Variants in ZMYM2 observed in about 807,000 individuals in gnomAD.
The protein encoded by ZMYM2 is zinc finger MYM-type containing 2, also known as zinc finger MYM-type protein 2.
Under a neutral mutation model 162.8 loss-of-function variants are expected in ZMYM2, and 56 were observed. The observed-to-expected ratio is 0.34, with a 90% CI of 0.28 to 0.43. ZMYM2 has a LOEUF of 0.43. ZMYM2 is among the 20% of genes least tolerant of loss of function. The probability of loss-of-function intolerance (pLI) is 1.00; values close to 1 mark genes in which losing one functional copy is unlikely to be tolerated. For synonymous variants in ZMYM2, 510 were observed against 541.6 expected, an observed-to-expected ratio of 0.94 and a Z score of 0.81; for missense variants, 1,275 against 1,621.8, an observed-to-expected ratio of 0.79 and a Z score of 3.67.
intron 6 of ZMYM2, among the ~76,000 whole-genome samples, chr13:20,007,638 T>TA (rs386363400): frequency 6.6e-6 from 1 of 150,678 alleles, no homozygotes; most frequent in Non-Finnish European, 1.5e-5. Context: ...TTTTTTTTTT[T>TA]AAAGACAAGT....
chr13:19,955,002 G>C (rs755636129), upstream of ZMYM2, among the ~76,000 whole-genome samples: 3 of 151,860 alleles, frequency 2.0e-5, no homozygotes, highest in Non-Finnish European at 2.9e-5. Context: ...GGTAGAGATG[G>C]GGTTTTACCA....
At chr13:20,067,422 A>G in intron 21 of ZMYM2, 32 bp downstream of exon 21, 1 of 1,550,934 alleles carries the variant, frequency 6.4e-7, no homozygotes, top group Non-Finnish European at 8.8e-7. Context: ...TTCAAGTATA[A>G]CATTAATAAG....
the ZMYM2 span, among the ~76,000 whole-genome samples, chr13:19,867,433 CA>C: frequency 6.6e-6 from 1 of 151,042 alleles, no homozygotes; most frequent in South Asian, 2.1e-4. Context: ...AAACATAGAT[CA>C]AAAACAACTG....
At position 20,065,447 on chromosome 13, in the gene ZMYM2, A is replaced by T. The variant is rs144832347; in HGVS notation, c.3132+902A>T. Among the ~76,000 whole-genome samples the T allele has an allele frequency of 2.1e-3, 320 of 152,286 alleles. 2 individuals are homozygous for T. The highest frequency in any genetic ancestry group is 7.2e-3 in the African/African-American group (301 of 41,560). On this transcript the variant is annotated intron_variant, in intron 19 of 24. Transcript: ENST00000610343. ...CAGGGAAGAAAAGGAAAAATAAATA[A>T]ATAAACTGGACTACATCAAAATTAA...
At chr13:19,908,925 A>G in the ZMYM2 span, among the ~76,000 whole-genome samples, 4 of 152,170 alleles carry the variant, frequency 2.6e-5, no homozygotes, top group Non-Finnish European at 5.9e-5. Context: ...AGGATCCCCA[A>G]TGGAAGGGGA....
At chr13:20,026,135 G>C (rs1387486808) in intron 7 of ZMYM2, 1 of 152,150 alleles carries the variant, frequency 6.6e-6, no homozygotes, top group Non-Finnish European at 1.5e-5. Flanking sequence ...TCATTTTTAA[G>C]AGAAGTTCCA....
intron 22 of ZMYM2, 118 bp from the exon 23 acceptor site, chr13:20,082,663 T>C: frequency 1.2e-6 from 1 of 867,014 alleles, no homozygotes; most frequent in Non-Finnish European, 1.7e-6. Context: ...CTAGTTGATC[T>C]AATATGAAAG....
intron 19 of ZMYM2, among the ~76,000 whole-genome samples, chr13:20,066,319 C>T (rs1956672182): frequency 6.6e-6 from 1 of 152,122 alleles, no homozygotes; most frequent in African/African-American, 2.4e-5. Flanking sequence ...ACTTTTGACT[C>T]CCTAAAAAGT....
intron 12 of ZMYM2, among the ~76,000 whole-genome samples, chr13:20,048,388 G>T (rs1426107230): frequency 6.6e-6 from 1 of 151,712 alleles, no homozygotes; most frequent in Non-Finnish European, 1.5e-5. Context: ...GAATTCCTAT[G>T]CTTTGCATAG....
the ZMYM2 span, among the ~76,000 whole-genome samples, chr13:19,946,261 C>T: frequency 2.0e-5 from 3 of 152,212 alleles, no homozygotes; most frequent in Non-Finnish European, 2.9e-5. Flanking sequence ...CTATTTATGG[C>T]TTTTCCATGC....
intron 3 of ZMYM2, 95 bp from the exon 4 acceptor site, chr13:20,002,755 A>G (rs943953868): frequency 2.7e-6 from 4 of 1,456,130 alleles, no homozygotes; most frequent in East Asian, 2.3e-5. Flanking sequence ...TTAAAATTGT[A>G]CAAAATGGGA....
At chr13:19,869,311 C>CT in the ZMYM2 span, among the ~76,000 whole-genome samples, 1 of 151,804 alleles carries the variant, frequency 6.6e-6, no homozygotes, top group South Asian at 2.1e-4. Flanking sequence ...TTATTGATTT[C>CT]TTTTTTTAAC....
chr13:19,959,426 G>C (rs563336567), intron 1 of ZMYM2, among the ~76,000 whole-genome samples: 1 of 152,242 alleles, frequency 6.6e-6, no homozygotes, highest in African/African-American at 2.4e-5. Context: ...CGCGGCTCTT[G>C]CTCCGCACGT....
the ZMYM2 span, among the ~76,000 whole-genome samples, chr13:19,906,105 G>A: frequency 6.6e-6 from 1 of 151,134 alleles, no homozygotes; most frequent in Non-Finnish European, 1.5e-5. Flanking sequence ...GTGAAACCCT[G>A]TCTCTACTAA....
chr13:20,022,299 C>T (rs144779655), intron 7 of ZMYM2, among the ~76,000 whole-genome samples: 4 of 152,250 alleles, frequency 2.6e-5, no homozygotes, highest in South Asian at 2.1e-4. Flanking sequence ...TCCCTCAATT[C>T]GTGTTTGTTT....
intron 16 of ZMYM2, 135 bp downstream of exon 16, chr13:20,059,697 C>A: frequency 1.6e-6 from 1 of 637,868 alleles, no homozygotes; most frequent in Non-Finnish European, 2.8e-6. Flanking sequence ...TTTTTTTTCC[C>A]CAATAAATAT....
chr13:19,969,074 C>G (rs1486457143), intron 2 of ZMYM2, among the ~76,000 whole-genome samples: 2 of 152,104 alleles, frequency 1.3e-5, no homozygotes, highest in African/African-American at 4.8e-5. Context: ...AATGAGAGTT[C>G]CTGCATAATT....
intron 12 of ZMYM2, among the ~76,000 whole-genome samples, chr13:20,044,975 G>A (rs1259291027): frequency 4.0e-5 from 6 of 150,662 alleles, no homozygotes; most frequent in South Asian, 2.1e-4. Flanking sequence ...ACTTGAACCC[G>A]GGAGGCGGAG....
chr13:19,929,578 T>C, the ZMYM2 span, among the ~76,000 whole-genome samples: 1 of 152,126 alleles, frequency 6.6e-6, no homozygotes, highest in Non-Finnish European at 1.5e-5. Context: ...TATTTAGAGA[T>C]TTTTCCAGTC....
Sources: gnomAD v4.1 joint callset for allele counts (sites outside exome capture counted in the v4.1 genomes callset) on GRCh38, gnomAD v4.1.1 for gene constraint, MANE v1.5 for transcripts, NCBI Gene and HGNC (gene_info 2026-07-23, HGNC 2026-07-21) for gene names.